The following NFYC variants were observed in gnomAD, a reference collection of about 807,000 sequenced individuals.
The protein encoded by NFYC is nuclear transcription factor Y subunit gamma, also known as CAAT box DNA-binding protein subunit C.
Under a neutral mutation model 53.1 loss-of-function variants are expected in NFYC, and 25 were observed. The observed-to-expected ratio is 0.47, with a 90% CI of 0.34 to 0.66. The LOEUF is 0.66. Among genes scored for constraint, NFYC ranks in the 30% least tolerant of loss-of-function variants. NFYC has a pLI of 0.01. For missense variants in NFYC, 260 were observed against 422.7 expected, an observed-to-expected ratio of 0.62 and a Z score of 3.38; for synonymous variants, 145 against 152.6, an observed-to-expected ratio of 0.95 and a Z score of 0.37.
At chr1:40,739,396 C>T (rs932740973) in intron 2 of NFYC, among the ~76,000 whole-genome samples, 17 of 152,178 alleles carry the variant, frequency 1.1e-4, no homozygotes, top group Admixed American at 4.6e-4. Flanking sequence ...AAAAGATATA[C>T]TTTGATCGCA....
At chr1:40,753,853 G>A (rs183972301) in intron 5 of NFYC, among the ~76,000 whole-genome samples, 33 of 152,258 alleles carry the variant, frequency 2.2e-4, no homozygotes, top group African/African-American at 7.9e-4. Context: ...CACCACTTGA[G>A]CTGTTTTGCA....
chr1:40,759,637 G>A (rs1186578089), intron 6 of NFYC, among the ~76,000 whole-genome samples: 1 of 151,938 alleles, frequency 6.6e-6, no homozygotes, highest in Non-Finnish European at 1.5e-5. Flanking sequence ...TGTATGTAGG[G>A]GAGGGGATGA....
rs200544060 is a variant in NFYC at position 40,770,799 on chromosome 1, G to C, written c.979G>C (p.Gly327Arg). 6.2e-7 allele frequency: 1 copy of C among 1,611,522 alleles called. No homozygotes were observed. Among genetic ancestry groups the C allele is most frequent in the South Asian group, 1.1e-5 (1 of 91,076 alleles). The change falls in exon 10 of 10, where the codon GGG (glycine) becomes CGG (arginine). Residue 327 changes from glycine to arginine, a missense_variant. Coordinates refer to ENST00000447388, the MANE Select transcript of NFYC (RefSeq NM_014223.5). The surrounding 1 kb of genome is among the most constrained non-coding windows in gnomAD (Gnocchi z 5.3). ...FIQSANQPSD[G>R]QAPQVTGD ...CCAGTCAGCCAACCAGCCCTCCGAC[G>C]GGCAGGCCCCCCAGGTGACCGGCGA...
intron 1 of NFYC, among the ~76,000 whole-genome samples, chr1:40,693,741 C>T (rs1197464924): frequency 2.6e-5 from 4 of 152,204 alleles, no homozygotes; most frequent in African/African-American, 9.7e-5. Flanking sequence ...ATTTTATCTG[C>T]TACATCAGCT....
intron 1 of NFYC, among the ~76,000 whole-genome samples, chr1:40,733,499 TAGAG>T (rs768488371): frequency 2.1e-4 from 32 of 149,360 alleles, no homozygotes; most frequent in African/African-American, 4.4e-4. Flanking sequence ...AAAAAAAAAA[TAGAG>T]AGAAAGAGTA....
chr1:40,701,674 A>G (rs1262959093), intron 1 of NFYC, among the ~76,000 whole-genome samples: 2 of 152,206 alleles, frequency 1.3e-5, no homozygotes, highest in Non-Finnish European at 2.9e-5. Context: ...ATGATTGCCT[A>G]TTTTAACTTT....
intron 2 of NFYC, among the ~76,000 whole-genome samples, chr1:40,740,711 G>A (rs1169370032): frequency 6.6e-6 from 1 of 152,164 alleles, no homozygotes; most frequent in Non-Finnish European, 1.5e-5. Flanking sequence ...ATTTTAGGGG[G>A]TTAATCTCAT....
At chr1:40,715,924 T>G (rs1338674496) in intron 1 of NFYC, among the ~76,000 whole-genome samples, 4 of 152,254 alleles carry the variant, frequency 2.6e-5, no homozygotes, top group African/African-American at 9.6e-5. Context: ...CAGTGCTAAT[T>G]CACTTGGTTA....
intron 7 of NFYC, among the ~76,000 whole-genome samples, chr1:40,765,706 GTCC>G (rs1332184805): frequency 9.2e-5 from 14 of 152,286 alleles, no homozygotes; most frequent in African/African-American, 3.4e-4. Context: ...AATGTCTGCA[GTCC>G]TCCTCTGCTG....
intron 1 of NFYC, among the ~76,000 whole-genome samples, chr1:40,727,130 T>C (rs1204650141): frequency 6.6e-6 from 1 of 152,224 alleles, no homozygotes; most frequent in Admixed American, 6.5e-5. Context: ...TCCAGGAGGA[T>C]TGGAATCAAC....
chr1:40,712,921 C>CA (rs1323261952), intron 1 of NFYC: 1 of 151,938 alleles, frequency 6.6e-6, no homozygotes, highest in Admixed American at 6.6e-5. Flanking sequence ...AGGCTGATCT[C>CA]AAACTCCTGG....
chr1:40,762,478 C>T (rs1196766553), intron 6 of NFYC, among the ~76,000 whole-genome samples: 1 of 152,232 alleles, frequency 6.6e-6, no homozygotes, highest in Admixed American at 6.5e-5. Flanking sequence ...CATACTGACC[C>T]TTTCCATTTA....
intron 1 of NFYC, among the ~76,000 whole-genome samples, chr1:40,728,350 A>G (rs1401530284): frequency 6.6e-6 from 1 of 152,110 alleles, no homozygotes; most frequent in East Asian, 2.0e-4. Context: ...TAATCCCAAC[A>G]CTTTGGGAGG....
chr1:40,766,524 G>A, intron 7 of NFYC, 72 bp from the exon 8 acceptor site: 1 of 1,145,582 alleles, frequency 8.7e-7, no homozygotes, highest in East Asian at 2.6e-5. Flanking sequence ...AACATCTCTG[G>A]TCATGGAAAG....
At chr1:40,756,374 T>C (rs1410669113) in intron 5 of NFYC, among the ~76,000 whole-genome samples, 1 of 152,204 alleles carries the variant, frequency 6.6e-6, no homozygotes, top group Non-Finnish European at 1.5e-5. Flanking sequence ...ATATTGAGGG[T>C]TAAAACTATT....
chr1:40,738,007 A>G (rs1271856157), intron 1 of NFYC, among the ~76,000 whole-genome samples: 1 of 143,446 alleles, frequency 7.0e-6, no homozygotes, highest in African/African-American at 2.6e-5. Context: ...GGTTCACGCC[A>G]TTCTCCTGCC....
intron 5 of NFYC, chr1:40,757,813 C>T (rs1646311263): frequency 4.2e-6 from 2 of 471,782 alleles, no homozygotes; most frequent in Non-Finnish European, 7.8e-6. Context: ...TACTGACAAG[C>T]ACTGCTGGTG....
At chr1:40,719,513 T>C (rs1342010497) in intron 1 of NFYC, among the ~76,000 whole-genome samples, 1 of 152,248 alleles carries the variant, frequency 6.6e-6, no homozygotes, top group Non-Finnish European at 1.5e-5. Flanking sequence ...TCTCCACTTT[T>C]GTTTGGTAGC....
intron 8 of NFYC, chr1:40,769,116 G>C: frequency 2.1e-6 from 1 of 486,154 alleles, no homozygotes. Flanking sequence ...AGAGAGATGG[G>C]TGTGGGAACT....
Sources: allele counts gnomAD v4.1 joint callset (sites outside exome capture counted in the v4.1 genomes callset), GRCh38; gene constraint gnomAD v4.1.1; non-coding constraint Gnocchi (gnomAD v3.1); transcripts MANE v1.5; gene names NCBI Gene and HGNC (gene_info 2026-07-23, HGNC 2026-07-21).